The following ZC2HC1A variants were observed in gnomAD, a reference collection of about 807,000 sequenced individuals.
ZC2HC1A encodes the protein zinc finger C2HC domain-containing protein 1A.
In ZC2HC1A, 28 loss-of-function variants were observed where a neutral mutation model predicts 40.7. The ratio of observed to expected loss-of-function variants is 0.69; its 90% CI spans 0.51 to 0.94. ZC2HC1A has a LOEUF of 0.94. Ranked by LOEUF, ZC2HC1A falls within the 40% of genes least tolerant of loss-of-function variation. The probability of loss-of-function intolerance (pLI) is 0.00; values close to 1 mark genes in which losing one functional copy is unlikely to be tolerated. For missense variants in ZC2HC1A, 389 were observed against 386.3 expected (o/e 1.01, Z -0.06); for synonymous variants, 129 against 129.2 (o/e 1.00, Z 0.01).
chr8:78,717,175 ACT>A (rs1010785747), intron 8 of ZC2HC1A, among the ~76,000 whole-genome samples, 151 bp from the exon 9 acceptor site: 2 of 152,220 alleles, frequency 1.3e-5, no homozygotes, highest in Admixed American at 1.3e-4. Flanking sequence ...TTTAGTATTT[ACT>A]AACAAGGATT....
intron 1 of ZC2HC1A, among the ~76,000 whole-genome samples, chr8:78,669,837 A>G (rs1238655742): frequency 1.3e-5 from 2 of 152,132 alleles, no homozygotes; most frequent in Non-Finnish European, 2.9e-5. Flanking sequence ...TGAAAGCTCT[A>G]TAAGATCAGA....
In ZC2HC1A at chr8:78,678,609, A is replaced by G. The variant is rs1309042394; in HGVS notation, c.140A>G (p.Lys47Arg). 1.1e-5 allele frequency: 17 copies of G among 1,612,604 alleles called. No homozygotes were observed. The highest frequency in any genetic ancestry group is 1.4e-5 in the Non-Finnish European group (16 of 1,179,332). Residue 47 changes from lysine (K) to arginine (R), a missense_variant, in exon 3 of 9, where the codon AAG becomes AGG. By Grantham distance (26) the Lys-to-Arg change is conservative. Coordinates refer to ENST00000263849, the MANE Select transcript of ZC2HC1A (RefSeq NM_016010.3). ...CAGAAGACTGCAACTAAAAAACGGA[A>G]GACTTTTGATTCAAGCAGACAGAGA... ...ICQKTATKKR[K>R]TFDSSRQRAE...
intron 7 of ZC2HC1A, among the ~76,000 whole-genome samples, chr8:78,709,781 AT>A (rs1810898480): frequency 6.6e-6 from 1 of 152,060 alleles, no homozygotes; most frequent in African/African-American, 2.4e-5. Context: ...ATAGGGCCCC[AT>A]TCAAAGCCAT....
intron 1 of ZC2HC1A, among the ~76,000 whole-genome samples, chr8:78,666,672 G>A (rs1407533903): frequency 6.6e-6 from 1 of 152,116 alleles, no homozygotes; most frequent in Non-Finnish European, 1.5e-5. Flanking sequence ...ATCTTCTGTC[G>A]GAGGGATGTC....
chr8:78,685,712 A>C (rs1190346033), intron 3 of ZC2HC1A, among the ~76,000 whole-genome samples: 1 of 152,238 alleles, frequency 6.6e-6, no homozygotes, highest in African/African-American at 2.4e-5. Context: ...TTAAATCCAC[A>C]AAGTGAGGAC....
chr8:78,672,087 T>C (rs1261057266), intron 1 of ZC2HC1A, among the ~76,000 whole-genome samples: 1 of 152,170 alleles, frequency 6.6e-6, no homozygotes, highest in Non-Finnish European at 1.5e-5. Flanking sequence ...AGTTAGATAA[T>C]GTAAGACAAA....
In ZC2HC1A at chr8:78,676,140, AAAAT is replaced by A. The variant is rs751339330; in HGVS notation, c.93+278_93+281del. 836 of 242,140 alleles carry A rather than the reference AAAAT, an allele frequency of 3.5e-3. 7 individuals are homozygous for A. The highest frequency in any genetic ancestry group is 6.2e-3 in the South Asian group (37 of 5,982). 15.0% of individuals were successfully genotyped at this position (242,140 alleles called of 1,614,324 possible). ...ACAAACAAAATAAAAAAAAAAAAAC[AAAAT>A]CAGATACCTTAGAAATAAGTAATTA... On this transcript the variant is annotated intron_variant, in intron 2 of 8. Transcript: ENST00000263849.
Position 78,689,678 on chromosome 8 carries a change from A to G in ZC2HC1A, c.504+305A>G, listed in dbSNP as rs773035789. Among the ~76,000 whole-genome samples the G allele has an allele frequency of 5.7e-4, 86 of 152,126 alleles. 1 individual carries two copies. Among genetic ancestry groups the G allele is most frequent in the Middle Eastern group, 3.4e-3 (1 of 294 alleles). On this transcript the variant is annotated intron_variant, in intron 5 of 8. Transcript: ENST00000263849. ...TATATATATGTATACATGTTTTTAG[A>G]TTATCGAGTGAAAGACCTTGTTACA... is the stretch of plus-strand genomic sequence containing the variant.
At chr8:78,697,773 G>C (rs1810474424) in intron 6 of ZC2HC1A, among the ~76,000 whole-genome samples, 1 of 151,414 alleles carries the variant, frequency 6.6e-6, no homozygotes. Flanking sequence ...TCGCCTCCCA[G>C]GTTCAAATGA....
At chr8:78,693,046 A>G (rs1379583724) in intron 5 of ZC2HC1A, among the ~76,000 whole-genome samples, 1 of 151,788 alleles carries the variant, frequency 6.6e-6, no homozygotes, top group African/African-American at 2.4e-5. Context: ...CCATGTCCCT[A>G]CAAAGGACAT....
chr8:78,713,612 T>G (rs1371320697), intron 7 of ZC2HC1A, among the ~76,000 whole-genome samples: 1 of 152,154 alleles, frequency 6.6e-6, no homozygotes. Flanking sequence ...TGAATGGACT[T>G]GGAGTGAGCA....
chr8:78,707,519 T>C (rs1334062510), intron 7 of ZC2HC1A, among the ~76,000 whole-genome samples: 1 of 152,236 alleles, frequency 6.6e-6, no homozygotes, highest in East Asian at 1.9e-4. Flanking sequence ...ACATACCTGG[T>C]TACTAATGGA....
At chr8:78,705,756 T>C (rs1218600146) in intron 7 of ZC2HC1A, among the ~76,000 whole-genome samples, 1 of 152,150 alleles carries the variant, frequency 6.6e-6, no homozygotes, top group African/African-American at 2.4e-5. Context: ...CAAATCTCTG[T>C]AGGCCAGAGA....
intron 4 of ZC2HC1A, among the ~76,000 whole-genome samples, chr8:78,688,815 G>A (rs560812540): frequency 6.6e-6 from 1 of 152,074 alleles, no homozygotes; most frequent in East Asian, 1.9e-4. Context: ...TAATAGATGA[G>A]CCTGTATTTT....
At chr8:78,702,664 T>C (rs978682544) in intron 7 of ZC2HC1A, among the ~76,000 whole-genome samples, 15 of 152,318 alleles carry the variant, frequency 9.8e-5, no homozygotes, top group African/African-American at 3.4e-4. Context: ...GTTGTTTCTT[T>C]GTACTCTAAG....
chr8:78,716,606 C>T (rs1295916837), intron 8 of ZC2HC1A, among the ~76,000 whole-genome samples: 3 of 152,144 alleles, frequency 2.0e-5, no homozygotes, highest in Admixed American at 1.3e-4. Flanking sequence ...CTCTATCTTT[C>T]CTCATGGTTG....
At chr8:78,708,762 C>T (rs1432085460) in intron 7 of ZC2HC1A, among the ~76,000 whole-genome samples, 1 of 150,266 alleles carries the variant, frequency 6.7e-6, no homozygotes, top group African/African-American at 2.5e-5. Flanking sequence ...CTCACCGTAA[C>T]CTCCGCCTCC....
chr8:78,698,580 T>G (rs1354607666), intron 7 of ZC2HC1A, 67 bp downstream of exon 7: 2 of 1,204,722 alleles, frequency 1.7e-6, no homozygotes, highest in Non-Finnish European at 2.3e-6. Context: ...TTGTTATGTT[T>G]TGATAATTGC....
intron 2 of ZC2HC1A, 74 bp from the exon 3 acceptor site, chr8:78,678,489 A>G (rs886784583): frequency 2.7e-6 from 3 of 1,112,088 alleles, no homozygotes; most frequent in Non-Finnish European, 2.6e-6. Context: ...AACTGGTCTC[A>G]ATGTAAATAA....
Sources: allele counts gnomAD v4.1 joint callset (sites outside exome capture counted in the v4.1 genomes callset), GRCh38; gene constraint gnomAD v4.1.1; transcripts MANE v1.5; gene names NCBI Gene and HGNC (gene_info 2026-07-23, HGNC 2026-07-21).